The following CLVS2 variants were observed in gnomAD, a reference collection of about 807,000 sequenced individuals.
The protein encoded by CLVS2 is clavesin-2.
In CLVS2, 19 loss-of-function variants were observed where a neutral mutation model predicts 29.0. That is an observed-to-expected ratio of 0.66 (90% CI 0.46 to 0.96). The LOEUF (loss-of-function observed/expected upper bound fraction) is 0.96, where lower values mean the gene tolerates loss of function less well. Among genes scored for constraint, CLVS2 ranks in the 40% least tolerant of loss-of-function variants. The probability of loss-of-function intolerance (pLI) is 0.00; values close to 1 mark genes in which losing one functional copy is unlikely to be tolerated. For synonymous variants in CLVS2, 161 were observed against 151.3 expected, an observed-to-expected ratio of 1.06 and a Z score of -0.47; for missense variants, 294 against 404.1, an observed-to-expected ratio of 0.73 and a Z score of 2.34.
chr6:123,000,048 G>A (rs1447486439), intron 2 of CLVS2, among the ~76,000 whole-genome samples: 1 of 152,034 alleles, frequency 6.6e-6, no homozygotes, highest in Non-Finnish European at 1.5e-5. Context: ...ATCTATAATG[G>A]AAACGGAGTT....
chr6:123,021,056 G>GT (rs1774913253), intron 3 of CLVS2, among the ~76,000 whole-genome samples: 1 of 150,248 alleles, frequency 6.7e-6, no homozygotes, highest in Admixed American at 6.6e-5. Context: ...GAGTATGGGG[G>GT]GGGTAAAATT....
At chr6:123,027,006 C>T (rs953063720) in intron 3 of CLVS2, among the ~76,000 whole-genome samples, 15 of 152,022 alleles carry the variant, frequency 9.9e-5, no homozygotes, top group Middle Eastern at 3.4e-3. Context: ...GAGAGATGTA[C>T]GTAGGGAAAC....
intron 2 of CLVS2, among the ~76,000 whole-genome samples, chr6:122,999,187 T>A (rs73772805): frequency 1.7e-4 from 26 of 152,302 alleles, no homozygotes; most frequent in African/African-American, 6.3e-4. Flanking sequence ...ATGGTGACTT[T>A]CAATGCATCT....
At chr6:123,022,815 C>T (rs1476935514) in intron 3 of CLVS2, among the ~76,000 whole-genome samples, 3 of 152,038 alleles carry the variant, frequency 2.0e-5, no homozygotes, top group Admixed American at 6.6e-5. Context: ...TACATCTGGT[C>T]AGCCCATTAT....
At chr6:123,033,949 A>T (rs943145872) in intron 3 of CLVS2, among the ~76,000 whole-genome samples, 5 of 152,212 alleles carry the variant, frequency 3.3e-5, no homozygotes, top group African/African-American at 1.2e-4. Flanking sequence ...ATGGCACATA[A>T]GCACATGAAA....
rs764182028 is a variant in CLVS2, at chr6:122,998,014, G to A, written c.237G>A (p.Arg79=). Residue 79 remains arginine, a synonymous_variant, in exon 2 of 6, where the codon CGG becomes CGA. Coordinates refer to ENST00000275162, the MANE Select transcript of CLVS2 (RefSeq NM_001010852.4). ...TCCTGGCGCAGTACTTTGAGTACCG[G>A]CAGCAGAACCTGGACATGTTCAAAA... ...FRLLAQYFEY[R]QQNLDMFKSF... is the part of the protein sequence containing the mutation. 1 of 1,614,176 alleles carries A rather than the reference G, an allele frequency of 6.2e-7. No individual in the cohort carries two copies. Among genetic ancestry groups the A allele is most frequent in the South Asian group, 1.1e-5 (1 of 91,088 alleles).
Position 123,056,040 on chromosome 6 carries a change from A to G in CLVS2, c.896+14A>G, listed in dbSNP as rs372072412. The stretch of plus-strand genomic sequence containing the variant: ...GTCCATGAAGAGGTATGCTGGAGGT[A>G]GACTGGGGAGTGGGCTGGGCCAGGG... On this transcript the variant is annotated intron_variant, in intron 5 of 5. Transcript: ENST00000275162. 1.3e-6 allele frequency: 2 copies of G among 1,587,050 alleles called. No individual in the cohort carries two copies. Among genetic ancestry groups the G allele is most frequent in the Non-Finnish European group, 1.7e-6 (2 of 1,157,866 alleles).
At chr6:123,040,512 G>A (rs767048976) in intron 3 of CLVS2, among the ~76,000 whole-genome samples, 3 of 152,132 alleles carry the variant, frequency 2.0e-5, no homozygotes, top group Non-Finnish European at 2.9e-5. Flanking sequence ...TGTTAATTAC[G>A]CGCCAGGCGC....
intron 5 of CLVS2, among the ~76,000 whole-genome samples, chr6:123,059,142 TG>T (rs760181283): frequency 4.6e-5 from 7 of 152,268 alleles, no homozygotes; most frequent in Non-Finnish European, 8.8e-5. Context: ...CACCGCCACC[TG>T]GAATGTTCTT....
intron 2 of CLVS2, among the ~76,000 whole-genome samples, chr6:123,005,456 G>A (rs977395100): frequency 2.0e-5 from 3 of 152,152 alleles, no homozygotes; most frequent in Admixed American, 6.5e-5. Context: ...ATTTAATAAT[G>A]GCTGATTGAT....
chr6:123,055,953 G>T lies in CLVS2; in HGVS notation c.823G>T (p.Glu275Ter). The part of the protein sequence containing the change: ...LLDHEYDDDS[E>*]YNVDSYSMPV... ...AGACCATGAATATGACGATGACAGCGAGTACAATGTAGACTCCTACAGCAT... is the reference window on the plus strand; with the variant it reads ...AGACCATGAATATGACGATGACAGCTAGTACAATGTAGACTCCTACAGCAT... Residue 275 changes from glutamate to a stop codon, truncating the protein, a stop_gained, in exon 5 of 6, where the codon GAG becomes TAG. Transcript: ENST00000275162. LOFTEE classifies it high-confidence loss of function. 1 of 1,614,014 alleles carries T rather than the reference G, an allele frequency of 6.2e-7. No individual in the cohort carries two copies. Among genetic ancestry groups the T allele is most frequent in the Non-Finnish European group, 8.5e-7 (1 of 1,179,958 alleles).
In CLVS2 at chr6:123,067,490, A is replaced by G. The variant is rs555977756; in HGVS notation, c.*3729A>G. The G allele has an allele frequency of 6.1e-4, 92 of 151,842 alleles. No homozygotes were observed. The highest frequency in any genetic ancestry group is 1.2e-3 in the Non-Finnish European group (83 of 67,732). 9.4% of individuals were successfully genotyped at this position (151,842 alleles called of 1,614,324 possible). ...GTCTGCCTTGTGTGGTTGGTGAATA[A>G]TATCTCAGCTTCTTTTTTTGTGTAT... On this transcript the variant is annotated 3_prime_UTR_variant, in exon 6 of 6. Transcript: ENST00000275162.
rs1168318282 is a variant in CLVS2, at chr6:123,069,683, C to A, written c.*5922C>A. 1 of 151,682 alleles carries A rather than the reference C, an allele frequency of 6.6e-6. No individual in the cohort carries two copies. The highest frequency in any genetic ancestry group is 2.4e-5 in the African/African-American group (1 of 41,314). 9.4% of individuals were successfully genotyped at this position (151,682 alleles called of 1,614,324 possible). A position where few individuals can be genotyped will look rare whatever the true frequency, so the allele number is the denominator to read the frequency against. On this transcript the variant is annotated 3_prime_UTR_variant, in exon 6 of 6. Coordinates refer to ENST00000275162, the MANE Select transcript of CLVS2 (RefSeq NM_001010852.4). ...ATGAACCAGAAAACAAAGAAAAAGC[C>A]AGAGATATTGTCTCCACTCTCGTTA...
intron 5 of CLVS2, among the ~76,000 whole-genome samples, chr6:123,056,805 G>A (rs1387256172): frequency 1.3e-5 from 2 of 152,156 alleles, no homozygotes; most frequent in East Asian, 3.8e-4. Context: ...TTCAAACACT[G>A]TGTTCAAAGT....
chr6:123,022,051 G>A (rs955421440), intron 3 of CLVS2, among the ~76,000 whole-genome samples: 8 of 151,946 alleles, frequency 5.3e-5, no homozygotes, highest in Non-Finnish European at 1.0e-4. Flanking sequence ...GCTTATCACC[G>A]TGTCATTCTT....
At position 123,041,589 on chromosome 6, in the gene CLVS2, C is replaced by T. The variant is rs542089319; in HGVS notation, c.565-7033C>T. ...GTGACAGGGCAAAAGAGAGATTTTC[C>T]AGGAGTCACAGTGTTGTGAAGTCTT... On this transcript the variant is annotated intron_variant, in intron 3 of 5. Coordinates refer to ENST00000275162, the MANE Select transcript of CLVS2 (RefSeq NM_001010852.4). Among the ~76,000 whole-genome samples the T allele has an allele frequency of 9.3e-4, 142 of 152,232 alleles. 3 individuals are homozygous for T. The highest frequency in any genetic ancestry group is 3.4e-3 in the African/African-American group (140 of 41,554).
At chr6:123,045,142 GACACAC>G (rs112529316) in intron 3 of CLVS2, among the ~76,000 whole-genome samples, 7 of 146,988 alleles carry the variant, frequency 4.8e-5, no homozygotes, top group South Asian at 2.2e-4. Flanking sequence ...CCTCTTTTGG[GACACAC>G]ACACACACAC....
At chr6:123,011,952 C>G (rs1774754228) in intron 3 of CLVS2, among the ~76,000 whole-genome samples, 1 of 151,916 alleles carries the variant, frequency 6.6e-6, no homozygotes, top group South Asian at 2.1e-4. Flanking sequence ...TGAGTAAGCC[C>G]AAGTCATCTA....
chr6:123,055,021 C>A (rs1029876694), intron 4 of CLVS2, among the ~76,000 whole-genome samples: 2 of 152,010 alleles, frequency 1.3e-5, no homozygotes, highest in African/African-American at 4.8e-5. Flanking sequence ...TGGTAAGAGA[C>A]AAAGCCAGAC....
Sources: gnomAD v4.1 joint callset for allele counts (sites outside exome capture counted in the v4.1 genomes callset) on GRCh38, gnomAD v4.1.1 for gene constraint, MANE v1.5 for transcripts, NCBI Gene and HGNC (gene_info 2026-07-23, HGNC 2026-07-21) for gene names.